Variants in IL19 observed in about 807,000 individuals in gnomAD.
IL19 encodes the protein interleukin 19.
IL19 carries 15 observed loss-of-function variants against 19.5 expected under a neutral mutation model. That is an observed-to-expected ratio of 0.77 (90% confidence interval 0.52 to 1.19). The LOEUF is 1.19. Among genes scored for constraint, IL19 ranks in the 50% most tolerant of loss-of-function variants. The pLI is 0.00. For missense variants in IL19, 199 were observed against 213.1 expected, an observed-to-expected ratio of 0.93 and a Z score of 0.41; for synonymous variants, 78 against 78.3, an observed-to-expected ratio of 1.00 and a Z score of 0.02.
intron 1 of IL19, among the ~76,000 whole-genome samples, chr1:206,775,329 G>A (rs1002803435): frequency 2.6e-5 from 4 of 152,146 alleles, no homozygotes; most frequent in African/African-American, 9.7e-5. Context: ...TGAGATTACA[G>A]GCATGAGCCA....
chr1:206,838,992 G>T (rs1676902738), intron 4 of IL19, among the ~76,000 whole-genome samples: 1 of 152,196 alleles, frequency 6.6e-6, no homozygotes, highest in African/African-American at 2.4e-5. Flanking sequence ...GGCCAAGGAG[G>T]CTTTGCTTCT....
intron 2 of IL19, among the ~76,000 whole-genome samples, chr1:206,812,150 A>G (rs903505599): frequency 1.3e-5 from 2 of 152,210 alleles, no homozygotes; most frequent in African/African-American, 4.8e-5. Context: ...CAGGATGTAG[A>G]TTATACTTTG....
At chr1:206,780,849 G>A (rs1171460149) in intron 1 of IL19, among the ~76,000 whole-genome samples, 1 of 152,196 alleles carries the variant, frequency 6.6e-6, no homozygotes, top group East Asian at 1.9e-4. Context: ...GATGTGTTCG[G>A]TGTGTGAGGT....
In IL19 at chr1:206,836,654, T is replaced by C. The variant is rs1310925757; in HGVS notation, c.-2-7T>C. The C allele has an allele frequency of 6.3e-6, 10 of 1,593,636 alleles. No homozygotes were observed. Among genetic ancestry groups the C allele is most frequent in the Non-Finnish European group, 8.5e-6 (10 of 1,170,344 alleles). On this transcript the variant is annotated splice_region_variant and splice_polypyrimidine_tract_variant and intron_variant, in intron 2 of 6. Transcript: ENST00000659997. ...GCTGGACAGCTGACTTCCTCTCCTT[T>C]CTGCAGGCATGAAGTTACAGTGTGT...
chr1:206,827,009 C>T (rs1676455814), intron 2 of IL19, among the ~76,000 whole-genome samples: 1 of 152,156 alleles, frequency 6.6e-6, no homozygotes, highest in Admixed American at 6.5e-5. Context: ...TGACACATTG[C>T]CTAGAAAGAA....
rs1021343975 is a variant in IL19, at chr1:206,833,597, T to C, written c.-2-3064T>C. 3 of 890,256 alleles carry C rather than the reference T, an allele frequency of 3.4e-6. No homozygotes were observed. In the African/African-American group the frequency reaches 5.4e-5, roughly 16 times the overall value. The allele number at this position is 890,256 out of a possible 1,614,324, so 55.1% of individuals were successfully genotyped here. A position where few individuals can be genotyped will look rare whatever the true frequency, so the allele number is the denominator to read the frequency against. ...CCCCAAACCTGATCCCTAGAGAACT[T>C]CTTGGTAAAGAGTTTATGTAAAAAG... On this transcript the variant is annotated intron_variant, in intron 2 of 6. Transcript: ENST00000659997.
At chr1:206,808,438 G>T (rs1208529221) in intron 2 of IL19, among the ~76,000 whole-genome samples, 1 of 152,112 alleles carries the variant, frequency 6.6e-6, no homozygotes, top group African/African-American at 2.4e-5. Context: ...AGTGACTGTG[G>T]CCTTGAAGGA....
At chr1:206,776,089 T>A (rs1219764897) in intron 1 of IL19, among the ~76,000 whole-genome samples, 1 of 152,206 alleles carries the variant, frequency 6.6e-6, no homozygotes, top group Non-Finnish European at 1.5e-5. Flanking sequence ...TCTTCTTCCA[T>A]CCCTGCTCCA....
intron 1 of IL19, among the ~76,000 whole-genome samples, chr1:206,798,265 T>C (rs888287451): frequency 3.3e-5 from 5 of 152,180 alleles, no homozygotes; most frequent in African/African-American, 1.2e-4. Flanking sequence ...TGGCCCGTTG[T>C]TCCATCCAGT....
Position 206,836,818 on chromosome 1 carries a change from T to C in IL19, c.144+12T>C. On this transcript the variant is annotated intron_variant, in intron 3 of 6. Coordinates refer to ENST00000659997, the MANE Select transcript of IL19 (RefSeq NM_153758.5). ...TCAAAAGAGCCATCGTGAGTATGGG[T>C]TGGTGTAAAGGTGTGGATGACGGAG... 1 of 1,614,082 alleles carries C rather than the reference T, an allele frequency of 6.2e-7. No homozygotes were observed. The highest frequency in any genetic ancestry group is 1.1e-5 in the South Asian group (1 of 91,072).
intron 2 of IL19, among the ~76,000 whole-genome samples, chr1:206,830,743 A>G (rs372432442): frequency 4.4e-4 from 67 of 152,076 alleles, no homozygotes; most frequent in African/African-American, 1.6e-3. Context: ...ACGCCAGGCT[A>G]ATTTTTTGTA....
At chr1:206,830,480 T>A (rs1025363250) in intron 2 of IL19, among the ~76,000 whole-genome samples, 1 of 152,138 alleles carries the variant, frequency 6.6e-6, no homozygotes, top group Non-Finnish European at 1.5e-5. Flanking sequence ...ATCATTATGA[T>A]CTAGATATAT....
chr1:206,818,853 C>T (rs995986609), intron 2 of IL19, among the ~76,000 whole-genome samples: 1 of 145,842 alleles, frequency 6.9e-6, no homozygotes, highest in Non-Finnish European at 1.5e-5. Context: ...AGTTCTGTCG[C>T]CCAGACTGGA....
intron 1 of IL19, among the ~76,000 whole-genome samples, chr1:206,791,755 C>T (rs1261942873): frequency 1.3e-5 from 2 of 152,240 alleles, no homozygotes; most frequent in East Asian, 3.8e-4. Context: ...TCAGAGGCTC[C>T]TTTCTCCTCC....
Position 206,836,942 on chromosome 1 carries a change from A to G in IL19, c.145-16A>G. The G allele has an allele frequency of 1.2e-6, 2 of 1,612,640 alleles. No individual in the cohort carries two copies. Among genetic ancestry groups the G allele is most frequent in the Non-Finnish European group, 1.7e-6 (2 of 1,178,692 alleles). The stretch of plus-strand genomic sequence containing the variant: ...ATACCGATTGCTTATGTCTGTTCTT[A>G]TGTTTCCCTCCACAGCAAGCTAAGG... On this transcript the variant is annotated splice_polypyrimidine_tract_variant and intron_variant, in intron 3 of 6. Transcript: ENST00000659997.
At chr1:206,823,144 G>T (rs1440117968) in intron 2 of IL19, among the ~76,000 whole-genome samples, 1 of 151,894 alleles carries the variant, frequency 6.6e-6, no homozygotes, top group Non-Finnish European at 1.5e-5. Context: ...TGGCCAGGCT[G>T]GTCTCAAAAC....
intron 1 of IL19, among the ~76,000 whole-genome samples, chr1:206,798,282 C>T (rs561177349): frequency 9.7e-4 from 147 of 152,330 alleles, no homozygotes; most frequent in African/African-American, 3.5e-3. Context: ...CAGTCTTGAC[C>T]TCGCTAGCCT....
At chr1:206,774,406 G>C (rs1204486868) in intron 1 of IL19, among the ~76,000 whole-genome samples, 1 of 152,206 alleles carries the variant, frequency 6.6e-6, no homozygotes, top group Non-Finnish European at 1.5e-5. Context: ...AGGGGACCAG[G>C]ACCTGGGTTT....
Position 206,771,038 on chromosome 1 carries a change from A to G in IL19, c.-189A>G. 1 of 1,614,162 alleles carries G rather than the reference A, an allele frequency of 6.2e-7. No individual in the cohort carries two copies. The highest frequency in any genetic ancestry group is 1.1e-5 in the South Asian group (1 of 91,074). The stretch of plus-strand genomic sequence containing the variant: ...AGGTAAAACTGGATCATCTCAGACA[A>G]GGCTTGGCAACCCAGGTAACCCTAA... On this transcript the variant is annotated 5_prime_UTR_variant, in exon 1 of 7. Transcript: ENST00000659997.
Sources: allele counts gnomAD v4.1 joint callset (sites outside exome capture counted in the v4.1 genomes callset), GRCh38; gene constraint gnomAD v4.1.1; transcripts MANE v1.5; gene names NCBI Gene and HGNC (gene_info 2026-07-23, HGNC 2026-07-21).